Variants in SLC5A1 observed in about 807,000 individuals in gnomAD.
SLC5A1 encodes solute carrier family 5 member 1.
Under a neutral mutation model 73.5 loss-of-function variants are expected in SLC5A1, and 42 were observed. The observed-to-expected ratio is 0.57, with a 90% CI of 0.45 to 0.74. The LOEUF is 0.74. Ranked by LOEUF, SLC5A1 falls within the 30% of genes least tolerant of loss-of-function variation. SLC5A1 has a pLI of 0.00. For synonymous variants in SLC5A1, 300 were observed against 317.4 expected, an observed-to-expected ratio of 0.95 and a Z score of 0.58; for missense variants, 634 against 855.4, an observed-to-expected ratio of 0.74 and a Z score of 3.23.
In SLC5A1 at chr22:32,060,144, TACACAC is replaced by T. The variant is rs61064953; in HGVS notation, c.208-6753_208-6748del. Among the ~76,000 whole-genome samples, 311 of 125,150 alleles carry T rather than the reference TACACAC, an allele frequency of 2.5e-3. 8 individuals carry two copies. Among genetic ancestry groups the T allele is most frequent in the Middle Eastern group, 0.019 (5 of 262 alleles). 82.1% of individuals were successfully genotyped at this position (125,150 alleles called of 152,430 possible). A position where few individuals can be genotyped will look rare whatever the true frequency, so the allele number is the denominator to read the frequency against. On this transcript the variant is annotated intron_variant, in intron 2 of 14. Coordinates refer to ENST00000266088, the MANE Select transcript of SLC5A1 (RefSeq NM_000343.4). Reference sequence around the variant, plus strand: ...ATACATACACACATATATATACACATACACACACACACACACACACACACACACACA... The same window carrying T: ...ATACATACACACATATATATACACATACACACACACACACACACACACACA...
At chr22:32,064,822 A>G (rs1247508625) in intron 2 of SLC5A1, among the ~76,000 whole-genome samples, 2 of 151,978 alleles carry the variant, frequency 1.3e-5, no homozygotes, top group African/African-American at 4.8e-5. Context: ...TGGTTGTTCT[A>G]TTTTCTTCCT....
chr22:32,106,401 G>T (rs905018614), intron 14 of SLC5A1, among the ~76,000 whole-genome samples: 3 of 152,138 alleles, frequency 2.0e-5, no homozygotes, highest in Non-Finnish European at 4.4e-5. Context: ...GACCATTTTT[G>T]ATTGGATTCT....
intron 2 of SLC5A1, among the ~76,000 whole-genome samples, chr22:32,060,130 C>CATAT (rs111569100): frequency 4.0e-4 from 28 of 70,384 alleles, no homozygotes; most frequent in African/African-American, 8.2e-4. Context: ...TACATACACA[C>CATAT]ATATATATAC....
intron 2 of SLC5A1, among the ~76,000 whole-genome samples, chr22:32,051,285 C>T (rs1395011442): frequency 6.6e-6 from 1 of 152,156 alleles, no homozygotes; most frequent in Non-Finnish European, 1.5e-5. Context: ...ATTCATTAAT[C>T]TCTGAGTCTC....
At chr22:32,098,942 C>T (rs566432318) in intron 11 of SLC5A1, among the ~76,000 whole-genome samples, 32 of 151,156 alleles carry the variant, frequency 2.1e-4, no homozygotes, top group Non-Finnish European at 4.3e-4. Context: ...AAAAATTAGC[C>T]GGGCGTGGTG....
chr22:32,074,664 A>G (rs1453397869), intron 5 of SLC5A1, among the ~76,000 whole-genome samples: 1 of 152,178 alleles, frequency 6.6e-6, no homozygotes, highest in Non-Finnish European at 1.5e-5. Flanking sequence ...CTAACCCTGA[A>G]GGAAAGGAGG....
At chr22:32,101,990 A>G (rs774956787) in intron 12 of SLC5A1, 32 bp from the exon 13 acceptor site, 1 of 1,528,014 alleles carries the variant, frequency 6.5e-7, no homozygotes, top group Non-Finnish European at 9.1e-7. Flanking sequence ...TTGTGTGTTC[A>G]GCATGAGTTA....
Position 32,084,468 on chromosome 22 carries a change from T to C in SLC5A1, c.694T>C (p.Phe232Leu). The C allele has an allele frequency of 1.2e-6, 2 of 1,614,258 alleles. No individual in the cohort carries two copies. The highest frequency in any genetic ancestry group is 1.7e-6 in the Non-Finnish European group (2 of 1,180,030). The change falls in exon 8 of 15, where the codon TTC becomes CTC. Residue 232 changes from phenylalanine (F) to leucine (L), a missense_variant. This residue lies in a region of SLC5A1 where 422 missense variants were observed against 626.1 expected (regional missense o/e 0.67). Coordinates refer to ENST00000266088, the MANE Select transcript of SLC5A1 (RefSeq NM_000343.4). ...TCACGAAGTGGGAGGCTATGACGCC[T>C]TCATGGAAAAGTACATGAAAGCCAT... ...AFHEVGGYDA[F>L]MEKYMKAIPT...
At chr22:32,068,693 T>G (rs2093978187) in intron 5 of SLC5A1, 93 bp downstream of exon 5, 5 of 892,242 alleles carry the variant, frequency 5.6e-6, no homozygotes. Context: ...GCTCTATACA[T>G]TTCTATTAAC....
intron 2 of SLC5A1, among the ~76,000 whole-genome samples, chr22:32,060,085 GTATACACACACATATA>G (rs1418649706): frequency 4.5e-4 from 49 of 107,822 alleles, no homozygotes; most frequent in East Asian, 1.8e-3. Flanking sequence ...ATACACACAT[GTATACACACACATATA>G]TATACACACA....
At chr22:32,099,109 T>A (rs2413067) in intron 11 of SLC5A1, 74 bp from the exon 12 acceptor site, 26 of 100,560 alleles carry the variant, frequency 2.6e-4, no homozygotes, top group East Asian at 1.4e-3. Flanking sequence ...AAAAAAAATA[T>A]ATATATATAT....
At chr22:32,061,195 G>T (rs983479356) in intron 2 of SLC5A1, among the ~76,000 whole-genome samples, 1 of 152,104 alleles carries the variant, frequency 6.6e-6, no homozygotes, top group African/African-American at 2.4e-5. Flanking sequence ...AGGCTGAGGC[G>T]GGCAGATCAC....
intron 13 of SLC5A1, 123 bp from the exon 14 acceptor site, chr22:32,104,663 C>A: frequency 1.4e-6 from 1 of 732,170 alleles, no homozygotes; most frequent in South Asian, 1.5e-5. Context: ...TGTGTATGTT[C>A]TTCCTGGTAC....
intron 1 of SLC5A1, 43 bp from the exon 2 acceptor site, chr22:32,049,900 C>A: frequency 6.5e-7 from 1 of 1,547,160 alleles, no homozygotes; most frequent in Non-Finnish European, 8.9e-7. Context: ...GGCAAGGCCA[C>A]TCTTCTAGTT....
intron 3 of SLC5A1, among the ~76,000 whole-genome samples, 173 bp downstream of exon 3, chr22:32,067,212 A>G (rs1250118621): frequency 2.0e-5 from 3 of 152,030 alleles, no homozygotes; most frequent in African/African-American, 7.2e-5. Context: ...CTCCCTTTCC[A>G]CCAGAGTAGC....
chr22:32,050,280 AAC>A (rs1188849397), intron 2 of SLC5A1, among the ~76,000 whole-genome samples: 1 of 152,218 alleles, frequency 6.6e-6, no homozygotes, highest in Non-Finnish European at 1.5e-5. Flanking sequence ...ATAAATCCAT[AAC>A]CAGAATATTA....
At chr22:32,052,264 G>A (rs1296544527) in intron 2 of SLC5A1, among the ~76,000 whole-genome samples, 1 of 152,108 alleles carries the variant, frequency 6.6e-6, no homozygotes, top group Non-Finnish European at 1.5e-5. Flanking sequence ...TTTCATTTGG[G>A]GCCGACCAGA....
chr22:32,099,889 C>G (rs768447484), intron 12 of SLC5A1, among the ~76,000 whole-genome samples: 4 of 152,134 alleles, frequency 2.6e-5, no homozygotes, highest in Non-Finnish European at 1.5e-5. Flanking sequence ...AGTCCTGGTG[C>G]ACAAGCAGTT....
In SLC5A1 at chr22:32,099,281, C is replaced by A; in HGVS notation, c.1379C>A (p.Thr460Asn). ...GQLFDYIQSITSYLGPPIAAV... is the reference protein window; with the variant it reads ...GQLFDYIQSINSYLGPPIAAV... ...CTCTTCGATTACATCCAGTCCATCA[C>A]CAGTTACTTGGGACCACCCATTGCG... Residue 460 changes from threonine (T) to asparagine (N), a missense_variant, in exon 12 of 15, where the codon ACC becomes AAC. By Grantham distance (65) the Thr-to-Asn change is moderately conservative. Transcript: ENST00000266088. 6.2e-7 allele frequency: 1 copy of A among 1,613,788 alleles called. No homozygotes were observed. Among genetic ancestry groups the A allele is most frequent in the Non-Finnish European group, 8.5e-7 (1 of 1,179,912 alleles).
Sources: allele counts gnomAD v4.1 joint callset (sites outside exome capture counted in the v4.1 genomes callset), GRCh38; gene constraint gnomAD v4.1.1; regional missense constraint gnomAD v4.1.1; transcripts MANE v1.5; gene names NCBI Gene and HGNC (gene_info 2026-07-23, HGNC 2026-07-21).